GALNT17: variants seen among roughly 807,000 people sequenced by gnomAD.
GALNT17 encodes the protein polypeptide N-acetylgalactosaminyltransferase 17.
Under a neutral mutation model 63.7 loss-of-function variants are expected in GALNT17, and 29 were observed. The observed-to-expected ratio is 0.46, with a 90% CI of 0.34 to 0.62. The LOEUF (loss-of-function observed/expected upper bound fraction) is 0.62, where lower values mean the gene tolerates loss of function less well. GALNT17 is among the 20% of genes least tolerant of loss of function. GALNT17 has a pLI of 0.01. For missense variants in GALNT17, 603 were observed against 799.6 expected (o/e 0.75, Z 2.97); for synonymous variants, 305 against 318.3 (o/e 0.96, Z 0.45).
intron 5 of GALNT17, among the ~76,000 whole-genome samples, chr7:71,455,511 T>C (rs1162198424): frequency 6.6e-6 from 1 of 151,954 alleles, no homozygotes; most frequent in African/African-American, 2.4e-5. Context: ...TTTTTGTTTT[T>C]TTTTTTGCAT....
At chr7:71,404,648 G>T (rs1793296382) in intron 3 of GALNT17, among the ~76,000 whole-genome samples, 1 of 152,214 alleles carries the variant, frequency 6.6e-6, no homozygotes, top group Admixed American at 6.5e-5. Flanking sequence ...AGAGACAGAT[G>T]GGCCCATGCC....
chr7:71,187,188 T>G (rs372771360), intron 1 of GALNT17, among the ~76,000 whole-genome samples: 1 of 152,062 alleles, frequency 6.6e-6, no homozygotes, highest in African/African-American at 2.4e-5. Flanking sequence ...GGCAGGATCA[T>G]AAGTCACTGC....
intron 6 of GALNT17, among the ~76,000 whole-genome samples, chr7:71,633,103 C>CAAAA (rs71089970): frequency 3.9e-4 from 28 of 72,296 alleles, no homozygotes; most frequent in South Asian, 5.4e-4. Context: ...GACTCTGTCT[C>CAAAA]AAAAAAAAAA....
chr7:71,479,470 C>CT (rs1157773002), intron 5 of GALNT17, among the ~76,000 whole-genome samples: 1 of 152,128 alleles, frequency 6.6e-6, no homozygotes, highest in Non-Finnish European at 1.5e-5. Flanking sequence ...AAAGGACACT[C>CT]TGGTAGTTAA....
At chr7:71,444,946 C>T (rs952857992) in intron 5 of GALNT17, among the ~76,000 whole-genome samples, 4 of 152,180 alleles carry the variant, frequency 2.6e-5, no homozygotes, top group Non-Finnish European at 5.9e-5. Context: ...TTTTATTACT[C>T]ATCACAAGTA....
intron 1 of GALNT17, among the ~76,000 whole-genome samples, chr7:71,296,593 G>A (rs1191244793): frequency 2.7e-5 from 4 of 150,712 alleles, no homozygotes; most frequent in African/African-American, 9.8e-5. Context: ...TCCAGCCTGG[G>A]CAACAGAGCG....
At chr7:71,231,498 G>T (rs796368217) in intron 1 of GALNT17, among the ~76,000 whole-genome samples, 13 of 152,138 alleles carry the variant, frequency 8.5e-5, no homozygotes, top group African/African-American at 2.9e-4. Flanking sequence ...AGTCGGCTTG[G>T]GCTGCTGTAA....
intron 5 of GALNT17, among the ~76,000 whole-genome samples, chr7:71,534,365 C>T (rs367843906): frequency 7.9e-5 from 12 of 151,976 alleles, no homozygotes; most frequent in Admixed American, 5.9e-4. Flanking sequence ...TTTGGGAGGC[C>T]GAGGCGGGCA....
chr7:71,335,268 A>G (rs1221221560), intron 1 of GALNT17, among the ~76,000 whole-genome samples: 1 of 152,110 alleles, frequency 6.6e-6, no homozygotes, highest in Non-Finnish European at 1.5e-5. Context: ...AGTAGCTGGG[A>G]CTACAGGTGT....
intron 5 of GALNT17, among the ~76,000 whole-genome samples, chr7:71,454,845 A>G (rs886451910): frequency 5.3e-5 from 8 of 152,122 alleles, no homozygotes; most frequent in African/African-American, 1.9e-4. Flanking sequence ...CCGTTGAACT[A>G]TTCCATGGTC....
intron 3 of GALNT17, among the ~76,000 whole-genome samples, chr7:71,395,039 T>A (rs1793113616): frequency 1.3e-5 from 2 of 152,030 alleles, no homozygotes; most frequent in Admixed American, 6.6e-5. Context: ...GAGGCGGAAG[T>A]TGCATTGAGC....
chr7:71,551,049 C>A (rs576506429), intron 5 of GALNT17, among the ~76,000 whole-genome samples: 15 of 152,166 alleles, frequency 9.9e-5, no homozygotes, highest in Non-Finnish European at 2.1e-4. Flanking sequence ...TCTAATATTT[C>A]TTCTGCCCTG....
chr7:71,644,546 A>AAAC (rs1790648435), intron 6 of GALNT17, among the ~76,000 whole-genome samples: 39 of 100,212 alleles, frequency 3.9e-4, no homozygotes, highest in South Asian at 3.0e-3. Flanking sequence ...AAAAAAAAAA[A>AAAC]AAACAAAAGA....
intron 5 of GALNT17, among the ~76,000 whole-genome samples, chr7:71,456,389 A>G (rs1787356778): frequency 6.6e-6 from 1 of 152,036 alleles, no homozygotes; most frequent in African/African-American, 2.4e-5. Flanking sequence ...TGCTTATGAT[A>G]TTAAATTCAT....
chr7:71,216,734 A>G (rs1291439887), intron 1 of GALNT17, among the ~76,000 whole-genome samples: 2 of 152,096 alleles, frequency 1.3e-5, no homozygotes, highest in Non-Finnish European at 2.9e-5. Flanking sequence ...ACATATATAC[A>G]CAGACACACA....
intron 9 of GALNT17, among the ~76,000 whole-genome samples, chr7:71,690,618 T>C (rs1584140770): frequency 6.6e-6 from 1 of 152,152 alleles, no homozygotes; most frequent in African/African-American, 2.4e-5. Flanking sequence ...ATGGAAAGCT[T>C]TTTGGGAAGA....
At chr7:71,415,247 T>C (rs373398005) in intron 3 of GALNT17, among the ~76,000 whole-genome samples, 1 of 152,288 alleles carries the variant, frequency 6.6e-6, no homozygotes, top group African/African-American at 2.4e-5. Flanking sequence ...TATGTGACCT[T>C]GGAACAGGTT....
At chr7:71,135,655 A>G (rs1324972732) in intron 1 of GALNT17, among the ~76,000 whole-genome samples, 1 of 152,220 alleles carries the variant, frequency 6.6e-6, no homozygotes, top group African/African-American at 2.4e-5. Context: ...GTGAAGCCTG[A>G]GAATTTGCCT....
At chr7:71,273,128 TAA>T (rs1790622937) in intron 1 of GALNT17, among the ~76,000 whole-genome samples, 1 of 152,156 alleles carries the variant, frequency 6.6e-6, no homozygotes, top group Non-Finnish European at 1.5e-5. Flanking sequence ...AATTCCATGA[TAA>T]TGACATAAGA....
Sources: gnomAD v4.1 joint callset for allele counts (sites outside exome capture counted in the v4.1 genomes callset) on GRCh38, gnomAD v4.1.1 for gene constraint, MANE v1.5 for transcripts, NCBI Gene and HGNC (gene_info 2026-07-23, HGNC 2026-07-21) for gene names.